The following MNAT1 variants were observed in gnomAD, a reference collection of about 807,000 sequenced individuals.
MNAT1 encodes MNAT1 component of CDK activating kinase, also known as CDK-activating kinase assembly factor MAT1.
In MNAT1, 43 loss-of-function variants were observed where a neutral mutation model predicts 42.0. The ratio of observed to expected loss-of-function variants is 1.02; its 90% CI spans 0.80 to 1.32. The LOEUF is 1.32. MNAT1 is among the 40% of genes most tolerant of loss of function. The pLI, the probability that MNAT1 is intolerant of heterozygous loss-of-function variation, is 0.00. For missense variants in MNAT1, 306 were observed against 350.4 expected (o/e 0.87, Z 1.01); for synonymous variants, 118 against 120.0 (o/e 0.98, Z 0.11).
At chr14:60,782,087 T>C (rs2031483489) in intron 1 of MNAT1, among the ~76,000 whole-genome samples, 1 of 151,926 alleles carries the variant, frequency 6.6e-6, no homozygotes, top group Non-Finnish European at 1.5e-5. Context: ...CTAAAGAATA[T>C]GAAAAAGATT....
intron 7 of MNAT1, among the ~76,000 whole-genome samples, chr14:60,938,698 T>A (rs1422755257): frequency 1.3e-5 from 2 of 152,170 alleles, no homozygotes; most frequent in Admixed American, 6.5e-5. Flanking sequence ...ATTCTCTTTT[T>A]TTGTTGTGTC....
intron 7 of MNAT1, among the ~76,000 whole-genome samples, chr14:60,901,104 A>G (rs1189723874): frequency 6.6e-6 from 1 of 150,750 alleles, no homozygotes; most frequent in Non-Finnish European, 1.5e-5. Context: ...GAGCAAATGC[A>G]GCTGGTGACT....
intron 7 of MNAT1, among the ~76,000 whole-genome samples, chr14:60,946,721 C>T (rs1469252302): frequency 6.6e-6 from 1 of 152,040 alleles, no homozygotes; most frequent in African/African-American, 2.4e-5. Context: ...TTATAACAAC[C>T]CTGAACAGGC....
At chr14:60,908,265 T>A (rs1381782879) in intron 7 of MNAT1, among the ~76,000 whole-genome samples, 2 of 152,188 alleles carry the variant, frequency 1.3e-5, no homozygotes, top group East Asian at 3.8e-4. Context: ...GTGTACAAAG[T>A]GCTATAAAAG....
At chr14:60,879,586 T>C in intron 6 of MNAT1, 128 bp from the exon 7 acceptor site, 1 of 840,424 alleles carries the variant, frequency 1.2e-6, no homozygotes, top group Non-Finnish European at 1.8e-6. Context: ...ATTGTACCCA[T>C]GGAACAGCAC....
intron 4 of MNAT1, among the ~76,000 whole-genome samples, chr14:60,809,575 A>G (rs1474489163): frequency 6.6e-6 from 1 of 152,104 alleles, no homozygotes; most frequent in African/African-American, 2.4e-5. Flanking sequence ...TTATCATGAA[A>G]GGGCGTTACA....
intron 1 of MNAT1, among the ~76,000 whole-genome samples, chr14:60,786,094 T>G (rs1320368586): frequency 2.6e-5 from 4 of 151,846 alleles, no homozygotes; most frequent in African/African-American, 7.2e-5. Context: ...TAAGAAAAAT[T>G]GAATAAAATA....
chr14:60,835,569 C>T (rs760723464), intron 6 of MNAT1, among the ~76,000 whole-genome samples: 6 of 152,090 alleles, frequency 3.9e-5, no homozygotes, highest in Non-Finnish European at 5.9e-5. Flanking sequence ...CATATTGGCC[C>T]CCACTCTCTT....
chr14:60,872,163 G>T (rs1300651298), intron 6 of MNAT1, among the ~76,000 whole-genome samples: 3 of 152,086 alleles, frequency 2.0e-5, no homozygotes, highest in Admixed American at 2.0e-4. Context: ...TGGCACAGGG[G>T]GAGCAGGCAC....
rs4151354 is a variant in MNAT1, at chr14:60,926,873, A to G, written c.810-41356A>G. 1.1e-3 allele frequency among the ~76,000 whole-genome samples: 171 copies of G among 150,576 alleles called. No homozygotes were observed. The East Asian group carries it at 0.023, about 20-fold the overall frequency. On this transcript the variant is annotated intron_variant, in intron 7 of 7. Coordinates refer to ENST00000261245, the MANE Select transcript of MNAT1 (RefSeq NM_002431.4). ...CATGGTTGGTTCCCCTTGTGAACCA[A>G]CCCCATCCTGAGGCCATTCAGGAAC...
chr14:60,962,025 G>A (rs1018476743), intron 7 of MNAT1, among the ~76,000 whole-genome samples: 11 of 151,750 alleles, frequency 7.2e-5, no homozygotes, highest in African/African-American at 2.7e-4. Flanking sequence ...TTCCTCATTG[G>A]GATACACAAA....
At chr14:60,781,177 TGC>T (rs1342318673) in intron 1 of MNAT1, among the ~76,000 whole-genome samples, 1 of 152,192 alleles carries the variant, frequency 6.6e-6, no homozygotes, top group African/African-American at 2.4e-5. Context: ...ATATTTGTAC[TGC>T]TTGATGTTCT....
At chr14:60,909,956 G>T (rs2035310012) in intron 7 of MNAT1, among the ~76,000 whole-genome samples, 1 of 152,122 alleles carries the variant, frequency 6.6e-6, no homozygotes, top group South Asian at 2.1e-4. Context: ...CTACCCATGA[G>T]CATGGAATGT....
chr14:60,965,475 C>T (rs566773764), intron 7 of MNAT1, among the ~76,000 whole-genome samples: 1 of 152,258 alleles, frequency 6.6e-6, no homozygotes, highest in East Asian at 1.9e-4. Flanking sequence ...GTTTTCCTGC[C>T]AGCAGTGCAG....
intron 1 of MNAT1, among the ~76,000 whole-genome samples, chr14:60,782,555 G>C (rs914904250): frequency 1.3e-5 from 2 of 152,040 alleles, no homozygotes; most frequent in Non-Finnish European, 1.5e-5. Flanking sequence ...TTTGAAATCT[G>C]GTCCTTACTG....
intron 7 of MNAT1, among the ~76,000 whole-genome samples, chr14:60,925,374 G>A (rs2035746059): frequency 6.6e-6 from 1 of 152,130 alleles, no homozygotes. Context: ...GGTTCTGGAA[G>A]CAATCCCCCA....
intron 1 of MNAT1, among the ~76,000 whole-genome samples, chr14:60,779,790 AAAAAAAAG>A (rs1171701719): frequency 6.6e-6 from 1 of 152,200 alleles, no homozygotes; most frequent in East Asian, 1.9e-4. Context: ...GTCTCAAAGA[AAAAAAAAG>A]AAAAAAAGAA....
intron 7 of MNAT1, among the ~76,000 whole-genome samples, chr14:60,908,181 T>C (rs2035255337): frequency 6.6e-6 from 1 of 152,290 alleles, no homozygotes; most frequent in South Asian, 2.1e-4. Context: ...TTAATAGATA[T>C]TTTAGTTTGT....
intron 6 of MNAT1, among the ~76,000 whole-genome samples, chr14:60,876,895 T>A (rs2034447172): frequency 1.3e-5 from 2 of 152,088 alleles, no homozygotes; most frequent in Admixed American, 1.3e-4. Flanking sequence ...TAAATATGCA[T>A]TGGTGTACAA....
Sources: gnomAD v4.1 joint callset for allele counts (sites outside exome capture counted in the v4.1 genomes callset) on GRCh38, gnomAD v4.1.1 for gene constraint, MANE v1.5 for transcripts, NCBI Gene and HGNC (gene_info 2026-07-23, HGNC 2026-07-21) for gene names.